The following CARD19 variants were observed in gnomAD, a reference collection of about 807,000 sequenced individuals.
CARD19 encodes the protein caspase recruitment domain-containing protein 19.
Under a neutral mutation model 24.1 loss-of-function variants are expected in CARD19, and 25 were observed. The ratio of observed to expected loss-of-function variants is 1.04; its 90% confidence interval spans 0.76 to 1.45. CARD19 has a LOEUF of 1.45. CARD19 is among the 40% of genes most tolerant of loss of function. The pLI is 0.00. For missense variants in CARD19, 241 were observed against 247.4 expected, an observed-to-expected ratio of 0.97 and a Z score of 0.17; for synonymous variants, 103 against 104.9, an observed-to-expected ratio of 0.98 and a Z score of 0.11.
intron 1 of CARD19, among the ~76,000 whole-genome samples, chr9:93,102,891 A>G (rs1465901596): frequency 2.6e-5 from 4 of 152,128 alleles, no homozygotes; most frequent in Non-Finnish European, 1.5e-5. Context: ...TTTCAATGCT[A>G]TTATAAATTG....
chr9:93,098,166 G>C (rs1826950349), intron 1 of CARD19, among the ~76,000 whole-genome samples: 3 of 152,238 alleles, frequency 2.0e-5, no homozygotes, highest in Admixed American at 2.0e-4. Flanking sequence ...GCTGAGCACT[G>C]AGAGAAGGGG....
intron 3 of CARD19, 108 bp from the exon 4 acceptor site, chr9:93,111,771 G>C (rs1176383823): frequency 1.3e-6 from 2 of 1,522,762 alleles, no homozygotes; most frequent in African/African-American, 1.4e-5. Context: ...GCCTGGTTCG[G>C]CCTGGCGGCC....
Position 93,096,663 on chromosome 9 carries a change from T to G in CARD19, c.7+311T>G, listed in dbSNP as rs942718944. On this transcript the variant is annotated intron_variant, in intron 1 of 5. Transcript: ENST00000375464. This position sits in a 1 kb window ranked among gnomAD's most constrained non-coding sequence, Gnocchi z 5.4. ...AGGGTGGGGCTGCACAGCCGCGGTCTGGGCTCAGCCACTGCCAATGTGTGT... is the reference window on the plus strand; with the variant it reads ...AGGGTGGGGCTGCACAGCCGCGGTCGGGGCTCAGCCACTGCCAATGTGTGT... Among the ~76,000 whole-genome samples, 5 of 152,154 alleles carry G rather than the reference T, an allele frequency of 3.3e-5. No homozygotes were observed. Among genetic ancestry groups the G allele is most frequent in the African/African-American group, 4.8e-5 (2 of 41,442 alleles).
intron 3 of CARD19, 139 bp from the exon 4 acceptor site, chr9:93,111,739 AG>A: frequency 6.8e-7 from 1 of 1,479,330 alleles, no homozygotes; most frequent in Non-Finnish European, 9.0e-7. Context: ...TTCCCTGAGG[AG>A]GGCTAGCCTC....
At position 93,096,726 on chromosome 9, in the gene CARD19, A is replaced by G. The variant is rs907369799; in HGVS notation, c.7+374A>G. 6.6e-6 allele frequency among the ~76,000 whole-genome samples: 1 copy of G among 152,092 alleles called. No individual in the cohort carries two copies. The highest frequency in any genetic ancestry group is 2.4e-5 in the African/African-American group (1 of 41,390). ...GGGGAATTTGGTCTGAAAGAGTAGG[A>G]GGTGGTAGAAATGACACCGGAGAGA... On this transcript the variant is annotated intron_variant, in intron 1 of 5. Transcript: ENST00000375464. The surrounding 1 kb of genome is among the most constrained non-coding windows in gnomAD (Gnocchi z 5.4).
At chr9:93,112,116 C>G (rs1044822036) in intron 4 of CARD19, 102 bp from the exon 5 acceptor site, 1 of 1,357,452 alleles carries the variant, frequency 7.4e-7, no homozygotes, top group East Asian at 2.5e-5. Flanking sequence ...CTTCAGGCAG[C>G]ACCTCAGCCT....
At chr9:93,102,332 A>G (rs753176520) in intron 1 of CARD19, among the ~76,000 whole-genome samples, 1 of 152,062 alleles carries the variant, frequency 6.6e-6, no homozygotes, top group Non-Finnish European at 1.5e-5. Context: ...AGAAATGTCT[A>G]TTCAAGTTCT....
At chr9:93,104,758 C>T (rs1285283472) in intron 1 of CARD19, among the ~76,000 whole-genome samples, 2 of 152,098 alleles carry the variant, frequency 1.3e-5, no homozygotes, top group Non-Finnish European at 2.9e-5. Context: ...TCATAGTATT[C>T]TCTTATATTC....
At chr9:93,112,146 G>C (rs10821071) in intron 4 of CARD19, 72 bp from the exon 5 acceptor site, 1 of 1,468,498 alleles carries the variant, frequency 6.8e-7, no homozygotes, top group African/African-American at 1.4e-5. Context: ...ACTCCCCTGC[G>C]CAGCCCCCAG....
At chr9:93,108,531 G>A (rs1002586401) in intron 2 of CARD19, among the ~76,000 whole-genome samples, 1 of 151,938 alleles carries the variant, frequency 6.6e-6, no homozygotes, top group Non-Finnish European at 1.5e-5. Context: ...GGTGTGGTGA[G>A]GACTGACTGA....
intron 5 of CARD19, 56 bp downstream of exon 5, chr9:93,112,345 C>T: frequency 6.8e-7 from 1 of 1,478,870 alleles, no homozygotes; most frequent in African/African-American, 1.4e-5. Context: ...GCCACCAAGC[C>T]AGGGCCCCAG....
At chr9:93,104,016 T>C (rs1490968100) in intron 1 of CARD19, among the ~76,000 whole-genome samples, 1 of 152,364 alleles carries the variant, frequency 6.6e-6, no homozygotes, top group East Asian at 1.9e-4. Context: ...TGAATATTTA[T>C]ATCAAGAAAG....
intron 1 of CARD19, among the ~76,000 whole-genome samples, chr9:93,097,605 A>C (rs923989063): frequency 6.6e-6 from 1 of 152,174 alleles, no homozygotes; most frequent in South Asian, 2.1e-4. Flanking sequence ...GTTCATCAGA[A>C]TGCGTGGGAC....
intron 2 of CARD19, chr9:93,110,335 C>T: frequency 1.6e-6 from 1 of 644,512 alleles, no homozygotes; most frequent in South Asian, 2.3e-5. Flanking sequence ...GCCTGTTTCC[C>T]AACCTCCCAC....
rs1326928082 is a variant in CARD19, at chr9:93,113,022, T to G, written c.467T>G (p.Val156Gly). ...DPKGLPGTRR[V>G]LGFSPVIIDR... The stretch of plus-strand genomic sequence containing the variant: ...AAGGGCCTGCCAGGGACCCGGCGCG[T>G]CCTCGGTTTCTCGCCTGTCATCATC... The change falls in exon 6 of 6, where the codon GTC becomes GGC. Residue 156 changes from valine to glycine, a missense_variant. Transcript: ENST00000375464. 6.2e-7 allele frequency: 1 copy of G among 1,609,628 alleles called. No individual in the cohort carries two copies. The highest frequency in any genetic ancestry group is 1.7e-5 in the Admixed American group (1 of 59,686).
chr9:93,111,690 A>G (rs1564212759), intron 3 of CARD19, 189 bp from the exon 4 acceptor site: 48 of 1,415,248 alleles, frequency 3.4e-5, no homozygotes, highest in Non-Finnish European at 4.2e-5. Flanking sequence ...AGGCCCGTCC[A>G]GGAGTTGGAG....
intron 1 of CARD19, among the ~76,000 whole-genome samples, chr9:93,102,297 A>T (rs1369882723): frequency 6.6e-6 from 1 of 152,008 alleles, no homozygotes; most frequent in Admixed American, 6.6e-5. Flanking sequence ...TGTGTGCTTG[A>T]TGGCTAGTTG....
intron 5 of CARD19, 129 bp from the exon 6 acceptor site, chr9:93,112,863 G>A (rs1427978769): frequency 9.7e-6 from 6 of 617,642 alleles, no homozygotes; most frequent in Non-Finnish European, 1.4e-5. Context: ...AACTCAAGCC[G>A]AGACCATGAC....
intron 1 of CARD19, among the ~76,000 whole-genome samples, chr9:93,099,636 C>G (rs879549480): frequency 4.6e-5 from 7 of 152,216 alleles, no homozygotes; most frequent in Non-Finnish European, 7.3e-5. Flanking sequence ...AGTTCTTTAA[C>G]GAGAGGGCTG....
Sources: allele counts gnomAD v4.1 joint callset (sites outside exome capture counted in the v4.1 genomes callset), GRCh38; gene constraint gnomAD v4.1.1; non-coding constraint Gnocchi (gnomAD v3.1); transcripts MANE v1.5; gene names NCBI Gene and HGNC (gene_info 2026-07-23, HGNC 2026-07-21).